The following PPM1L variants were observed in gnomAD, a reference collection of about 807,000 sequenced individuals.
The protein encoded by PPM1L is protein phosphatase, Mg2+/Mn2+ dependent 1L, also known as protein phosphatase 1L.
Under a neutral mutation model 31.4 loss-of-function variants are expected in PPM1L, and 13 were observed. The observed-to-expected ratio is 0.41, with a 90% CI of 0.27 to 0.66. The LOEUF (loss-of-function observed/expected upper bound fraction) is 0.66. Among genes scored for constraint, PPM1L ranks in the 30% least tolerant of loss-of-function variants. The pLI is 0.29. For missense variants in PPM1L, 326 were observed against 453.7 expected, an observed-to-expected ratio of 0.72 and a Z score of 2.56; for synonymous variants, 184 against 175.4, an observed-to-expected ratio of 1.05 and a Z score of -0.39.
chr3:160,785,455 T>C (rs573852036), intron 1 of PPM1L, among the ~76,000 whole-genome samples: 5 of 152,176 alleles, frequency 3.3e-5, no homozygotes, highest in Non-Finnish European at 7.4e-5. Context: ...AGCATAAAAA[T>C]GCTCAATAAA....
chr3:160,841,490 A>G (rs1005850592), intron 1 of PPM1L, among the ~76,000 whole-genome samples: 8 of 152,206 alleles, frequency 5.3e-5, no homozygotes, highest in Admixed American at 2.6e-4. Flanking sequence ...GCCCAACTGT[A>G]TATTTTCAGT....
At chr3:161,025,430 G>A (rs1718352058) in intron 2 of PPM1L, among the ~76,000 whole-genome samples, 2 of 151,964 alleles carry the variant, frequency 1.3e-5, no homozygotes, top group Admixed American at 6.6e-5. Context: ...AAATTAGCCC[G>A]GCATGGTGGC....
At chr3:160,996,708 G>A (rs1290702136) in intron 2 of PPM1L, among the ~76,000 whole-genome samples, 1 of 151,950 alleles carries the variant, frequency 6.6e-6, no homozygotes, top group African/African-American at 2.4e-5. Flanking sequence ...CTGGTGATGG[G>A]TACACTAAAA....
chr3:160,842,413 G>A, intron 1 of PPM1L: 1 of 666,854 alleles, frequency 1.5e-6, no homozygotes, highest in Non-Finnish European at 2.7e-6. Flanking sequence ...CCAGGCAAGG[G>A]AATTTGGACT....
intron 2 of PPM1L, 146 bp downstream of exon 2, chr3:160,962,056 T>C (rs1017138482): frequency 5.9e-6 from 3 of 505,266 alleles, no homozygotes; most frequent in Non-Finnish European, 9.8e-6. Flanking sequence ...TCTGCAGTTT[T>C]AGTCTCAAGA....
At position 161,022,896 on chromosome 3, in the gene PPM1L, C is replaced by T. The variant is rs140423935; in HGVS notation, c.575-42507C>T. Among the ~76,000 whole-genome samples the T allele has an allele frequency of 8.6e-3, 1,309 of 152,132 alleles. 28 individuals carry two copies. The highest frequency in any genetic ancestry group is 0.029 in the African/African-American group (1,218 of 41,504). ...AGCCAGAATGGTCTCGATCTCCTGACCTCATGATCCGCCTGCCTTGGCCTC... is the reference window on the plus strand; with the variant it reads ...AGCCAGAATGGTCTCGATCTCCTGATCTCATGATCCGCCTGCCTTGGCCTC... On this transcript the variant is annotated intron_variant, in intron 2 of 3. Coordinates refer to ENST00000498165, the MANE Select transcript of PPM1L (RefSeq NM_139245.4).
chr3:160,855,814 G>T (rs144978310), intron 1 of PPM1L, among the ~76,000 whole-genome samples: 377 of 152,264 alleles, frequency 2.5e-3, no homozygotes, highest in African/African-American at 8.9e-3. Flanking sequence ...ATTTCTCAAA[G>T]AATTTAAAAC....
intron 3 of PPM1L, among the ~76,000 whole-genome samples, chr3:161,066,446 G>A (rs1412948295): frequency 6.6e-6 from 1 of 152,208 alleles, no homozygotes; most frequent in Non-Finnish European, 1.5e-5. Flanking sequence ...GCTATGGAAA[G>A]ACATGAAGCA....
rs138850608 is a variant in PPM1L at position 160,821,653 on chromosome 3, C to T, written c.399+64946C>T. On this transcript the variant is annotated intron_variant, in intron 1 of 3. Coordinates refer to ENST00000498165, the MANE Select transcript of PPM1L (RefSeq NM_139245.4). ...GTACAGCTAAGAGTCCTGCAGTGGA[C>T]GTAGGATTCAGCTTTCTCCACTAGT... Among the ~76,000 whole-genome samples the T allele has an allele frequency of 6.7e-3, 1,018 of 152,098 alleles. 6 individuals are homozygous for T. Among genetic ancestry groups the T allele is most frequent in the Admixed American group, 0.011 (170 of 15,260 alleles).
intron 2 of PPM1L, among the ~76,000 whole-genome samples, chr3:161,005,478 T>A (rs953022469): frequency 2.0e-5 from 3 of 152,154 alleles, no homozygotes; most frequent in Non-Finnish European, 4.4e-5. Context: ...CATCTCAAGG[T>A]CAGAGTGGGA....
chr3:160,983,142 C>T (rs1201746628), intron 2 of PPM1L, among the ~76,000 whole-genome samples: 1 of 152,180 alleles, frequency 6.6e-6, no homozygotes, highest in Non-Finnish European at 1.5e-5. Context: ...TAGAGATAAA[C>T]TAAGCCAAAT....
At chr3:160,835,111 CTTCTTCTTTCTTCT>C (rs1171639700) in intron 1 of PPM1L, among the ~76,000 whole-genome samples, 2 of 94,830 alleles carry the variant, frequency 2.1e-5, no homozygotes, top group Non-Finnish European at 4.0e-5. Context: ...TTCTTTCTTC[CTTCTTCTTTCTTCT>C]TTCTTCCTTC....
At chr3:161,040,859 AT>A (rs1718886427) in intron 2 of PPM1L, among the ~76,000 whole-genome samples, 2 of 152,282 alleles carry the variant, frequency 1.3e-5, no homozygotes, top group South Asian at 4.1e-4. Context: ...AAATAAAATT[AT>A]TTTATCCCCA....
rs1713117973 is a variant in PPM1L, at chr3:160,890,942, A to G, written c.400-70794A>G. On this transcript the variant is annotated intron_variant, in intron 1 of 3. Coordinates refer to ENST00000498165, the MANE Select transcript of PPM1L (RefSeq NM_139245.4). Reference sequence around the variant, plus strand: ...GCCATATGCAGAAAACTGAAACTGGACCCCTTCTTTACACCTTATACAAAA... The same window carrying G: ...GCCATATGCAGAAAACTGAAACTGGGCCCCTTCTTTACACCTTATACAAAA... 1.3e-5 allele frequency among the ~76,000 whole-genome samples: 2 copies of G among 152,118 alleles called. 1 individual carries two copies. Among genetic ancestry groups the G allele is most frequent in the South Asian group, 4.1e-4 (2 of 4,826 alleles).
At chr3:160,957,905 A>G (rs1161325862) in intron 1 of PPM1L, among the ~76,000 whole-genome samples, 9 of 151,918 alleles carry the variant, frequency 5.9e-5, no homozygotes, top group Non-Finnish European at 1.2e-4. Flanking sequence ...GCATTTCTCT[A>G]ATGATCAGTG....
At chr3:160,963,653 A>C (rs1265362168) in intron 2 of PPM1L, among the ~76,000 whole-genome samples, 1 of 152,036 alleles carries the variant, frequency 6.6e-6, no homozygotes, top group Non-Finnish European at 1.5e-5. Flanking sequence ...TGTATTTGTG[A>C]AGAGAAGGGG....
rs545037065 is a variant in PPM1L at position 160,994,411 on chromosome 3, T to C, written c.574+32501T>C. ...AATATGGCATTTTCATTTAGCACCA[T>C]TTCCCCAGTGATCTTCACCTGGCAA... On this transcript the variant is annotated intron_variant, in intron 2 of 3. Transcript: ENST00000498165. 2.0e-5 allele frequency among the ~76,000 whole-genome samples: 3 copies of C among 152,260 alleles called. No homozygotes were observed. The East Asian group carries it at 5.8e-4, about 29-fold the overall frequency.
At chr3:160,969,312 G>C (rs1716248633) in intron 2 of PPM1L, among the ~76,000 whole-genome samples, 1 of 152,174 alleles carries the variant, frequency 6.6e-6, no homozygotes, top group Non-Finnish European at 1.5e-5. Flanking sequence ...GTAGCTGGAG[G>C]GTTACCTCCT....
intron 2 of PPM1L, among the ~76,000 whole-genome samples, chr3:161,031,558 T>G (rs1718568259): frequency 7.2e-6 from 1 of 139,614 alleles, no homozygotes. Context: ...TGGAGTGCAG[T>G]GGTGCGATCA....
Sources: gnomAD v4.1 joint callset for allele counts (sites outside exome capture counted in the v4.1 genomes callset) on GRCh38, gnomAD v4.1.1 for gene constraint, MANE v1.5 for transcripts, NCBI Gene and HGNC (gene_info 2026-07-23, HGNC 2026-07-21) for gene names.